ADAP1: variants seen among roughly 807,000 people sequenced by gnomAD.
ADAP1 encodes the protein arf-GAP with dual PH domain-containing protein 1.
In ADAP1, 31 loss-of-function variants were observed where a neutral mutation model predicts 54.9. The observed-to-expected ratio is 0.56, with a 90% CI of 0.42 to 0.76. ADAP1 has a LOEUF of 0.76. ADAP1 is among the 30% of genes least tolerant of loss of function. The probability of loss-of-function intolerance (pLI) is 0.00; values close to 1 mark genes in which losing one functional copy is unlikely to be tolerated. For synonymous variants in ADAP1, 313 were observed against 202.6 expected (o/e 1.55, Z -4.63); for missense variants, 535 against 512.4 (o/e 1.04, Z -0.42).
At chr7:899,859 G>C (rs903725698) in intron 8 of ADAP1, among the ~76,000 whole-genome samples, 1 of 152,176 alleles carries the variant, frequency 6.6e-6, no homozygotes, top group Non-Finnish European at 1.5e-5. Context: ...TGGCCGCGCA[G>C]GTGCACGGTC....
chr7:948,078 C>T (rs1847187410), intron 1 of ADAP1, among the ~76,000 whole-genome samples: 1 of 151,996 alleles, frequency 6.6e-6, no homozygotes, highest in African/African-American at 2.4e-5. Context: ...TCACCCCACA[C>T]CTTGGCCACC....
At chr7:909,073 C>A (rs565857800) in intron 4 of ADAP1, among the ~76,000 whole-genome samples, 9 of 152,164 alleles carry the variant, frequency 5.9e-5, no homozygotes, top group African/African-American at 2.2e-4. Flanking sequence ...CCTCTGCACG[C>A]GCGCAGCTGC....
intron 2 of ADAP1, among the ~76,000 whole-genome samples, chr7:930,869 C>T (rs1846551970): frequency 6.6e-6 from 1 of 150,924 alleles, no homozygotes; most frequent in Non-Finnish European, 1.5e-5. Flanking sequence ...CCTAGCTACT[C>T]CTTGGGAGGC....
intron 3 of ADAP1, among the ~76,000 whole-genome samples, chr7:922,184 C>T (rs1846214961): frequency 2.6e-5 from 4 of 152,176 alleles, no homozygotes; most frequent in South Asian, 2.1e-4. Flanking sequence ...AGGTGGGCTT[C>T]GGGCCACCTG....
rs141244581 is a variant in ADAP1, at chr7:935,410, C to T, written c.178G>A (p.Val60Ile). 1 of 1,560,786 alleles carries T rather than the reference C, an allele frequency of 6.4e-7. No homozygotes were observed. The highest frequency in any genetic ancestry group is 8.7e-7 in the Non-Finnish European group (1 of 1,152,162). ...NIPQVSKVKS[V>I]RLDAWEEAQV... ...GCCTCCTCCCAGGCGTCCAGGCGGA[C>T]GGACTTCACCTTGCTGACCTGGGGG... The change falls in exon 2 of 11, where the codon GTC (valine) becomes ATC (isoleucine). Residue 60 changes from valine (V) to isoleucine (I), a missense_variant. Transcript: ENST00000265846.
intron 4 of ADAP1, among the ~76,000 whole-genome samples, chr7:907,102 C>A (rs1475468138): frequency 6.6e-6 from 1 of 152,158 alleles, no homozygotes; most frequent in Non-Finnish European, 1.5e-5. Context: ...GTGCCATCCC[C>A]TCTTTTTTCA....
chr7:917,558 A>G (rs1223622802), intron 4 of ADAP1, among the ~76,000 whole-genome samples: 1 of 152,108 alleles, frequency 6.6e-6, no homozygotes, highest in Non-Finnish European at 1.5e-5. Flanking sequence ...TCCGCCTTCC[A>G]GGTTCAAGCG....
rs779164126 is a variant in ADAP1 at position 899,508 on chromosome 7, C to T, written c.796-18G>A. On this transcript the variant is annotated intron_variant, in intron 8 of 10. Coordinates refer to ENST00000265846, the MANE Select transcript of ADAP1 (RefSeq NM_006869.4). ...TCCGTTTGCTGTGGGTCAGAGAGGG[C>T]CCGTGACCGGCAGGTCGCCGAGGCA... The T allele has an allele frequency of 1.9e-5, 30 of 1,610,912 alleles. No homozygotes were observed. The highest frequency in any genetic ancestry group is 1.3e-4 in the East Asian group (6 of 44,798).
rs896516912 is a variant in ADAP1, at chr7:927,332, C to T, written c.214-688G>A. On this transcript the variant is annotated intron_variant, in intron 2 of 10. Transcript: ENST00000265846. ...CAGGCGCAAAGGCCCTGAGGGTGGA[C>T]GCTGGCAATGACCCTGCCGCCAGCC... 42 of 1,007,024 alleles carry T rather than the reference C, an allele frequency of 4.2e-5. No individual in the cohort carries two copies. The Admixed American group carries it at 8.7e-4, about 21-fold the overall frequency. 62.4% of individuals were successfully genotyped at this position (1,007,024 alleles called of 1,614,324 possible).
At position 899,566 on chromosome 7, in the gene ADAP1, G is replaced by A. The variant is rs1481618982; in HGVS notation, c.796-76C>T. 146 of 1,513,710 alleles carry A rather than the reference G, an allele frequency of 9.6e-5. 1 individual carries two copies. Among genetic ancestry groups the A allele is most frequent in the Middle Eastern group, 3.5e-4 (2 of 5,772 alleles). 93.8% of individuals were successfully genotyped at this position (1,513,710 alleles called of 1,614,324 possible). ...CATCCAGCTGACCACAGCACACCCC[G>A]GAGGGCAGGGCCCAGACTGGCCCGG... On this transcript the variant is annotated intron_variant, in intron 8 of 10. Transcript: ENST00000265846.
rs552403876 is a variant in ADAP1 at position 938,445 on chromosome 7, G to A, written c.83-2940C>T. Among the ~76,000 whole-genome samples, 1 of 152,296 alleles carries A rather than the reference G, an allele frequency of 6.6e-6. No individual in the cohort carries two copies. The highest frequency in any genetic ancestry group is 1.9e-4 in the East Asian group (1 of 5,178). On this transcript the variant is annotated intron_variant, in intron 1 of 10. Transcript: ENST00000265846. The surrounding 1 kb of genome is among the most constrained non-coding windows in gnomAD (Gnocchi z 4.4). The stretch of plus-strand genomic sequence containing the variant: ...GATCCTCCTGTCTTGGCCTCCTAAA[G>A]TGTTGGGATTACAGATGTGTGACGC...
At chr7:950,281 C>T (rs541074083) in intron 1 of ADAP1, among the ~76,000 whole-genome samples, 3 of 152,042 alleles carry the variant, frequency 2.0e-5, no homozygotes, top group East Asian at 1.9e-4. Flanking sequence ...GTCAGGAGAT[C>T]GAGACCGTCC....
chr7:899,960 C>T, intron 8 of ADAP1, 142 bp downstream of exon 8: 3 of 1,032,900 alleles, frequency 2.9e-6, no homozygotes, highest in Non-Finnish European at 4.4e-6. Context: ...GGACCCCGGC[C>T]AGGCACAGAC....
intron 1 of ADAP1, among the ~76,000 whole-genome samples, chr7:953,582 G>A (rs1847318328): frequency 6.6e-6 from 1 of 152,218 alleles, no homozygotes; most frequent in African/African-American, 2.4e-5. Flanking sequence ...TGGGGTGGCG[G>A]GACTGCTCCG....
At chr7:916,453 G>A (rs1426106573) in intron 4 of ADAP1, among the ~76,000 whole-genome samples, 3 of 152,168 alleles carry the variant, frequency 2.0e-5, no homozygotes, top group South Asian at 2.1e-4. Flanking sequence ...CTGTGGTCAC[G>A]CCAGCCCAGC....
At chr7:944,255 CT>C (rs373409871) in intron 1 of ADAP1, among the ~76,000 whole-genome samples, 6,416 of 135,246 alleles carry the variant, frequency 0.047, 234 homozygotes, top group East Asian at 0.2. Flanking sequence ...TATTTTTAAC[CT>C]TTTTTTTTTT....
At chr7:916,991 A>G (rs1215854253) in intron 4 of ADAP1, among the ~76,000 whole-genome samples, 1 of 83,102 alleles carries the variant, frequency 1.2e-5, no homozygotes. Flanking sequence ...AGGGGTGCGC[A>G]GTGCCAGCTC....
chr7:917,272 A>G, intron 4 of ADAP1, among the ~76,000 whole-genome samples: 1 of 19,696 alleles, frequency 5.1e-5, no homozygotes, highest in East Asian at 2.2e-3. Context: ...AGGGGGGCGC[A>G]GTGCCAGCTC....
intron 4 of ADAP1, among the ~76,000 whole-genome samples, chr7:919,064 C>G (rs550016161): frequency 1.4e-4 from 21 of 152,294 alleles, no homozygotes; most frequent in African/African-American, 4.8e-4. Flanking sequence ...GCACTGCCTC[C>G]CAGCGCCCAC....
Sources: allele counts gnomAD v4.1 joint callset (sites outside exome capture counted in the v4.1 genomes callset), GRCh38; gene constraint gnomAD v4.1.1; non-coding constraint Gnocchi (gnomAD v3.1); transcripts MANE v1.5; gene names NCBI Gene and HGNC (gene_info 2026-07-23, HGNC 2026-07-21).